KLHDC3: variants seen among roughly 807,000 people sequenced by gnomAD.
KLHDC3 encodes the protein kelch domain containing 3, also known as kelch domain-containing protein 3.
KLHDC3 carries 5 observed loss-of-function variants against 44.1 expected under a neutral mutation model. The ratio of observed to expected loss-of-function variants is 0.11; its 90% CI spans 0.06 to 0.24. KLHDC3 has a LOEUF of 0.24. KLHDC3 is among the 10% of genes least tolerant of loss of function. KLHDC3 has a pLI of 1.00. For missense variants in KLHDC3, 247 were observed against 514.3 expected (o/e 0.48, Z 5.03); for synonymous variants, 170 against 189.0 (o/e 0.90, Z 0.82).
In KLHDC3 at chr6:43,017,414, G is replaced by A. The variant is rs1221275278; in HGVS notation, c.154+68G>A. On this transcript the variant is annotated intron_variant, in intron 2 of 10. Coordinates refer to ENST00000326974, the MANE Select transcript of KLHDC3 (RefSeq NM_057161.4). The surrounding 1 kb of genome is among the most constrained non-coding windows in gnomAD (Gnocchi z 6.0). ...TGGGAACGGGCTGCTGATGAGGTTT[G>A]GCTGTGGTCTCTGGGACCAAGGGGA... is the stretch of plus-strand genomic sequence containing the variant. 2 of 1,575,840 alleles carry A rather than the reference G, an allele frequency of 1.3e-6. No individual in the cohort carries two copies. Among genetic ancestry groups the A allele is most frequent in the Middle Eastern group, 3.4e-4 (2 of 5,920 alleles).
intron 10 of KLHDC3, 46 bp downstream of exon 10, chr6:43,019,412 G>C (rs781124767): frequency 7.4e-7 from 1 of 1,346,432 alleles, no homozygotes. Context: ...GGGTGAGTGA[G>C]CAGCACAGGT....
In KLHDC3 at chr6:43,017,749, C is replaced by T; in HGVS notation, c.331+54C>T. 16 of 1,599,712 alleles carry T rather than the reference C, an allele frequency of 1.0e-5. No homozygotes were observed. Among genetic ancestry groups the T allele is most frequent in the Non-Finnish European group, 1.4e-5 (16 of 1,169,910 alleles). On this transcript the variant is annotated intron_variant, in intron 3 of 10. Coordinates refer to ENST00000326974, the MANE Select transcript of KLHDC3 (RefSeq NM_057161.4). The surrounding 1 kb of genome is among the most constrained non-coding windows in gnomAD (Gnocchi z 6.0). ...CCTTCCAGATGTTGCCTCAGTTGCCCAAGAAAGGTTTGGGTTGGGGGTCTT... is the reference window on the plus strand; with the variant it reads ...CCTTCCAGATGTTGCCTCAGTTGCCTAAGAAAGGTTTGGGTTGGGGGTCTT...
rs1009857874 is a variant in KLHDC3, at chr6:43,021,214, A to T, written c.*481A>T. ...TGGGGAGGTGGGGACCAGCAGATAAATCCCACCCTTCCTTGAGCTGTCGCT... is the reference window on the plus strand; with the variant it reads ...TGGGGAGGTGGGGACCAGCAGATAATTCCCACCCTTCCTTGAGCTGTCGCT... On this transcript the variant is annotated 3_prime_UTR_variant, in exon 11 of 11. Coordinates refer to ENST00000326974, the MANE Select transcript of KLHDC3 (RefSeq NM_057161.4). 2.0e-5 allele frequency: 8 copies of T among 406,958 alleles called. No individual in the cohort carries two copies. Among genetic ancestry groups the T allele is most frequent in the Non-Finnish European group, 3.9e-5 (8 of 203,002 alleles). 25.2% of individuals were successfully genotyped at this position (406,958 alleles called of 1,614,324 possible). A position where few individuals can be genotyped will look rare whatever the true frequency, so the allele number is the denominator to read the frequency against.
chr6:43,015,545 G>C (rs1387270602), intron 1 of KLHDC3, among the ~76,000 whole-genome samples: 1 of 152,154 alleles, frequency 6.6e-6, no homozygotes, highest in African/African-American at 2.4e-5. Flanking sequence ...AGGTTGACAG[G>C]TTGTGTTTAA....
intron 1 of KLHDC3, among the ~76,000 whole-genome samples, chr6:43,014,862 C>T (rs1762523419): frequency 6.6e-6 from 1 of 152,034 alleles, no homozygotes; most frequent in Non-Finnish European, 1.5e-5. Context: ...ATAAAAAATG[C>T]AAGAGACCAG....
rs968753475 is a variant in KLHDC3 at position 43,018,791 on chromosome 6, C to T, written c.820+72C>T. 41 of 1,547,794 alleles carry T rather than the reference C, an allele frequency of 2.6e-5. No homozygotes were observed. Among genetic ancestry groups the T allele is most frequent in the Admixed American group, 5.0e-5 (3 of 59,888 alleles). ...GGAGGAAAAGAAAATAATCCTGAGG[C>T]GGTGAGGGATGGGGGTGGGGAAGAT... On this transcript the variant is annotated intron_variant, in intron 7 of 10. Coordinates refer to ENST00000326974, the MANE Select transcript of KLHDC3 (RefSeq NM_057161.4). This position sits in a 1 kb window ranked among gnomAD's most constrained non-coding sequence, Gnocchi z 6.0.
At position 43,017,008 on chromosome 6, in the gene KLHDC3, T is replaced by C; in HGVS notation, c.-59-126T>C. 1.5e-6 allele frequency: 1 copy of C among 678,088 alleles called. No homozygotes were observed. The highest frequency in any genetic ancestry group is 1.8e-5 in the South Asian group (1 of 55,938). 42.0% of individuals were successfully genotyped at this position (678,088 alleles called of 1,614,324 possible). A position where few individuals can be genotyped will look rare whatever the true frequency, so the allele number is the denominator to read the frequency against. ...CCACCTGAGCTGAGACTAGTGCCCC[T>C]GTGGAGGGGTAGTGTGGGAGGGCCC... On this transcript the variant is annotated intron_variant, in intron 1 of 10. Transcript: ENST00000326974. This position sits in a 1 kb window ranked among gnomAD's most constrained non-coding sequence, Gnocchi z 6.0.
intron 1 of KLHDC3, among the ~76,000 whole-genome samples, chr6:43,015,158 T>A (rs1230189681): frequency 6.6e-6 from 1 of 152,138 alleles, no homozygotes; most frequent in African/African-American, 2.4e-5. Flanking sequence ...CCCATCGACC[T>A]CCTAACAGTC....
At chr6:43,014,749 T>G (rs1581873594) in intron 1 of KLHDC3, 1 of 380,094 alleles carries the variant, frequency 2.6e-6, no homozygotes, top group Non-Finnish European at 5.4e-6. Context: ...TTAGTGGAGG[T>G]GGGAAAATGG....
Position 43,018,658 on chromosome 6 carries a change from C to T in KLHDC3, c.759C>T (p.Ile253=), listed in dbSNP as rs151246749. Residue 253 remains isoleucine, a synonymous_variant, in exon 7 of 11, where the codon ATC becomes ATT. Transcript: ENST00000326974. This position sits in a 1 kb window ranked among gnomAD's most constrained non-coding sequence, Gnocchi z 6.0. ...SAFGYNGELY[I]FGGYNARLNR... ...TTGGCTACAATGGGGAGCTGTACAT[C>T]TTTGGTGGTTATAATGCAAGGCTGA... 6.1e-5 allele frequency: 98 copies of T among 1,614,072 alleles called. No homozygotes were observed. Among genetic ancestry groups the T allele is most frequent in the Admixed American group, 1.5e-4 (9 of 60,006 alleles).
chr6:43,014,705 G>T (rs1321355738), intron 1 of KLHDC3: 2 of 443,416 alleles, frequency 4.5e-6, no homozygotes, highest in South Asian at 3.2e-5. Context: ...GCAGAGAGGG[G>T]TATCGTGGTC....
In KLHDC3 at chr6:43,018,567, G is replaced by T. The variant is rs1424573920; in HGVS notation, c.733+11G>T. 1 of 1,613,620 alleles carries T rather than the reference G, an allele frequency of 6.2e-7. No individual in the cohort carries two copies. The highest frequency in any genetic ancestry group is 2.2e-5 in the East Asian group (1 of 44,894). ...GGAGCCACTCGGCCTGTGAGTGTTT[G>T]TTACTTCCCTGTGGAGTTCCCTTCC... On this transcript the variant is annotated intron_variant, in intron 6 of 10. Transcript: ENST00000326974. This position sits in a 1 kb window ranked among gnomAD's most constrained non-coding sequence, Gnocchi z 6.0.
intron 8 of KLHDC3, 57 bp downstream of exon 8, chr6:43,019,028 A>G (rs1036478385): frequency 2.4e-5 from 38 of 1,566,458 alleles, no homozygotes; most frequent in Non-Finnish European, 3.2e-5. Context: ...AGTGGGAGGT[A>G]TTTGAAAAGG....
At position 43,020,660 on chromosome 6, in the gene KLHDC3, C is replaced by T; in HGVS notation, c.1083-7C>T. ...CTTCTTTCTGTCTCTTATTGTTGGC[C>T]TTCCAGGTGGGAGCTGAATGCCATG... is the stretch of plus-strand genomic sequence containing the variant. On this transcript the variant is annotated splice_polypyrimidine_tract_variant and splice_region_variant and intron_variant, in intron 10 of 10. Coordinates refer to ENST00000326974, the MANE Select transcript of KLHDC3 (RefSeq NM_057161.4). 6.2e-7 allele frequency: 1 copy of T among 1,612,400 alleles called. No individual in the cohort carries two copies. Among genetic ancestry groups the T allele is most frequent in the Non-Finnish European group, 8.5e-7 (1 of 1,178,478 alleles).
chr6:43,020,679 T>C lies in KLHDC3; in HGVS notation c.1095T>C (p.Asn365=), dbSNP rs763050908. 2 of 1,613,794 alleles carry C rather than the reference T, an allele frequency of 1.2e-6. No homozygotes were observed. Among genetic ancestry groups the C allele is most frequent in the Non-Finnish European group, 1.7e-6 (2 of 1,179,802 alleles). The change falls in exon 11 of 11, where the codon AAT becomes AAC. Residue 365 remains asparagine (N), a synonymous_variant. Transcript: ENST00000326974. ...CLPHDIRWEL[N]AMTTNSNISR... The stretch of plus-strand genomic sequence containing the variant: ...GTTGGCCTTCCAGGTGGGAGCTGAA[T>C]GCCATGACCACCAACAGCAATATCA...
At position 43,020,891 on chromosome 6, in the gene KLHDC3, G is replaced by A; in HGVS notation, c.*158G>A. 1 of 695,656 alleles carries A rather than the reference G, an allele frequency of 1.4e-6. No individual in the cohort carries two copies. The highest frequency in any genetic ancestry group is 2.6e-6 in the Non-Finnish European group (1 of 384,806). The allele number at this position is 695,656 out of a possible 1,614,324, so 43.1% of individuals were successfully genotyped here. A position where few individuals can be genotyped will look rare whatever the true frequency, so the allele number is the denominator to read the frequency against. On this transcript the variant is annotated 3_prime_UTR_variant, in exon 11 of 11. Transcript: ENST00000326974. ...CTCTGTGCTGTGAATTCAGTGGGGA[G>A]CTGTAGCGGGGTGGGGGCTAGGTTC...
At position 43,017,803 on chromosome 6, in the gene KLHDC3, G is replaced by C. The variant is rs1242520335; in HGVS notation, c.332-50G>C. The C allele has an allele frequency of 6.3e-7, 1 of 1,588,870 alleles. No homozygotes were observed. Among genetic ancestry groups the C allele is most frequent in the South Asian group, 1.1e-5 (1 of 90,620 alleles). On this transcript the variant is annotated intron_variant, in intron 3 of 10. Transcript: ENST00000326974. This position sits in a 1 kb window ranked among gnomAD's most constrained non-coding sequence, Gnocchi z 6.0. ...GAGTAGAGTACCCCAGAGCTGAGGA[G>C]GGACTGTCATAGAGGGTGCTTAGTT...
In KLHDC3 at chr6:43,020,774, T is replaced by C. The variant is rs1406175547; in HGVS notation, c.*41T>C. On this transcript the variant is annotated 3_prime_UTR_variant, in exon 11 of 11. Transcript: ENST00000326974. ...ACCTCCCCTCCTGAGCCTGCTGTCA[T>C]CTTCACTGCCCCTGCCCATCTGTCA... 1 of 1,480,680 alleles carries C rather than the reference T, an allele frequency of 6.8e-7. No homozygotes were observed. The highest frequency in any genetic ancestry group is 1.4e-5 in the African/African-American group (1 of 72,258). 91.7% of individuals were successfully genotyped at this position (1,480,680 alleles called of 1,614,324 possible).
At chr6:43,014,499 GAAAGC>G in intron 1 of KLHDC3, 151 bp downstream of exon 1, 1 of 485,964 alleles carries the variant, frequency 2.1e-6, no homozygotes, top group Non-Finnish European at 4.0e-6. Context: ...TGTTAATGGG[GAAAGC>G]AGGGCTAGGG....
Sources: gnomAD v4.1 joint callset for allele counts (sites outside exome capture counted in the v4.1 genomes callset) on GRCh38, gnomAD v4.1.1 for gene constraint, Gnocchi (gnomAD v3.1) non-coding constraint, MANE v1.5 for transcripts, NCBI Gene and HGNC (gene_info 2026-07-23, HGNC 2026-07-21) for gene names.